Variants in GLB1L3 observed in about 807,000 individuals in gnomAD.
GLB1L3 encodes the protein beta-galactosidase-1-like protein 3.
GLB1L3 carries 89 observed loss-of-function variants against 89.5 expected under a neutral mutation model. The observed-to-expected ratio is 0.99, with a 90% CI of 0.84 to 1.19. The LOEUF (loss-of-function observed/expected upper bound fraction) is 1.19, where lower values mean the gene tolerates loss of function less well. GLB1L3 is among the 50% of genes most tolerant of loss of function. The pLI is 0.00. For synonymous variants in GLB1L3, 314 were observed against 312.3 expected (o/e 1.01, Z -0.06); for missense variants, 812 against 813.3 (o/e 1.00, Z 0.02).
chr11:134,276,851 C>A (rs889877368), intron 1 of GLB1L3, 88 bp downstream of exon 1: 4 of 1,175,986 alleles, frequency 3.4e-6, no homozygotes, highest in Non-Finnish European at 4.3e-6. Flanking sequence ...TGTGGCCGGC[C>A]ACGCGCCCCA....
chr11:134,279,097 A>G (rs1405372312), intron 3 of GLB1L3, among the ~76,000 whole-genome samples: 3 of 152,202 alleles, frequency 2.0e-5, no homozygotes, highest in Non-Finnish European at 4.4e-5. Context: ...TTTTGAATCA[A>G]TCTTATAATA....
Position 134,313,449 on chromosome 11 carries a change from A to C in GLB1L3, c.1554A>C (p.Ser518=), listed in dbSNP as rs372490502. The C allele has an allele frequency of 1.3e-6, 2 of 1,579,838 alleles. No individual in the cohort carries two copies. The highest frequency in any genetic ancestry group is 1.7e-6 in the Non-Finnish European group (2 of 1,162,216). ...AGAATCAAGGACGAGTCAATTTTTC[A>C]TGGCAAATACAGAATGAGCAGAAAG... ...LVENQGRVNF[S]WQIQNEQKGI... Residue 518 remains serine, a synonymous_variant, in exon 16 of 20, where the codon TCA becomes TCC. Transcript: ENST00000431683.
chr11:134,286,500 G>T (rs1192247971), intron 6 of GLB1L3, among the ~76,000 whole-genome samples: 1 of 113,802 alleles, frequency 8.8e-6, no homozygotes, highest in Admixed American at 1.0e-4. Flanking sequence ...TGGTGGCCGG[G>T]CGCGGTGGCT....
In GLB1L3 at chr11:134,318,708, G is replaced by A; in HGVS notation, c.1857G>A (p.Leu619=). The A allele has an allele frequency of 6.2e-7, 1 of 1,612,794 alleles. No individual in the cohort carries two copies. The part of the protein sequence containing the change: ...RYWNIGPQKT[L]YLPGVWLHPE... ...GGAATATTGGGCCTCAGAAAACACT[G>A]TACCTTCCTGGAGTTTGGCTTCATC... The change falls in exon 19 of 20, where the codon CTG becomes CTA. Residue 619 remains leucine (L), a synonymous_variant. Coordinates refer to ENST00000431683, the MANE Select transcript of GLB1L3 (RefSeq NM_001080407.3).
In GLB1L3 at chr11:134,292,208, A is replaced by T; in HGVS notation, c.806A>T (p.Lys269Ile). The change falls in exon 8 of 20, where the codon AAA (lysine) becomes ATA (isoleucine). Residue 269 changes from lysine to isoleucine, a missense_variant. Lys to Ile is a moderately radical substitution (Grantham distance 102). This residue lies in a region of GLB1L3 where 618 missense variants were observed against 604.0 expected (regional missense o/e 1.02). Coordinates refer to ENST00000431683, the MANE Select transcript of GLB1L3 (RefSeq NM_001080407.3). ...AAACATGTGCTGAGTGGCCACACCAAAGGAGGTACACATTTAGAGTTAGTT... is the reference window on the plus strand; with the variant it reads ...AAACATGTGCTGAGTGGCCACACCATAGGAGGTACACATTTAGAGTTAGTT... Reference protein sequence around the residue: ...GEKHVLSGHTKGVLAAINLQK... With the variant: ...GEKHVLSGHTIGVLAAINLQK... The T allele has an allele frequency of 6.2e-7, 1 of 1,610,854 alleles. No homozygotes were observed. Among genetic ancestry groups the T allele is most frequent in the Non-Finnish European group, 8.5e-7 (1 of 1,177,412 alleles).
intron 8 of GLB1L3, chr11:134,292,940 G>A: frequency 1.6e-6 from 1 of 622,094 alleles, no homozygotes; most frequent in South Asian, 1.9e-5. Context: ...AATTTCAACA[G>A]TGGGTGTCCT....
At chr11:134,286,734 G>A (rs548469818) in intron 6 of GLB1L3, among the ~76,000 whole-genome samples, 156 of 151,324 alleles carry the variant, frequency 1.0e-3, no homozygotes, top group African/African-American at 3.5e-3. Flanking sequence ...CCAAGATGGC[G>A]CCACCGCACT....
intron 18 of GLB1L3, among the ~76,000 whole-genome samples, chr11:134,315,464 AAGTG>A (rs1246625947): frequency 6.6e-6 from 1 of 152,188 alleles, no homozygotes; most frequent in Non-Finnish European, 1.5e-5. Flanking sequence ...CTTTTTGAAA[AAGTG>A]TGTGAGTGTG....
intron 5 of GLB1L3, 50 bp from the exon 6 acceptor site, chr11:134,283,687 T>C (rs1469463644): frequency 7.4e-6 from 8 of 1,086,242 alleles, no homozygotes; most frequent in Middle Eastern, 2.5e-4. Flanking sequence ...CACTCCTGCT[T>C]CCCTCTCCCA....
intron 9 of GLB1L3, among the ~76,000 whole-genome samples, chr11:134,294,647 C>T (rs770267375): frequency 6.6e-6 from 1 of 152,182 alleles, no homozygotes; most frequent in Non-Finnish European, 1.5e-5. Context: ...CAGTTAATCC[C>T]GTCTCCAGCC....
At chr11:134,292,545 CTCCACT>C (rs1941412284) in intron 8 of GLB1L3, 1 of 224,098 alleles carries the variant, frequency 4.5e-6, no homozygotes, top group African/African-American at 2.3e-5. Flanking sequence ...TCAGGGCCAT[CTCCACT>C]AACTTGGGAA....
intron 9 of GLB1L3, among the ~76,000 whole-genome samples, chr11:134,302,455 A>T (rs1296916944): frequency 1.3e-5 from 2 of 152,216 alleles, no homozygotes; most frequent in Non-Finnish European, 2.9e-5. Flanking sequence ...CAATTTTGTT[A>T]TTCACTTAAT....
At chr11:134,298,728 C>T (rs1941783626) in intron 9 of GLB1L3, among the ~76,000 whole-genome samples, 1 of 152,164 alleles carries the variant, frequency 6.6e-6, no homozygotes, top group Non-Finnish European at 1.5e-5. Flanking sequence ...TCTGAGGCCT[C>T]CCCAGCTATG....
chr11:134,278,323 T>TTTTTTTTGAGACGGAGTCTC, intron 3 of GLB1L3, among the ~76,000 whole-genome samples: 1 of 152,144 alleles, frequency 6.6e-6, no homozygotes, highest in African/African-American at 2.4e-5. Context: ...TTCTGTTTGT[T>TTTTTTTTGAGACGGAGTCTC]GCTCAGGCTG....
intron 5 of GLB1L3, among the ~76,000 whole-genome samples, chr11:134,282,480 C>T (rs1430365292): frequency 1.3e-5 from 2 of 152,166 alleles, no homozygotes; most frequent in Non-Finnish European, 2.9e-5. Flanking sequence ...CTCAAAATGC[C>T]CTGGGAAGAA....
At chr11:134,305,071 TTCTTA>T (rs564724345) in intron 9 of GLB1L3, 2 of 1,546,474 alleles carry the variant, frequency 1.3e-6, no homozygotes, top group South Asian at 2.4e-5. Context: ...CAGGGATGAA[TTCTTA>T]TCTTTACCCA....
At chr11:134,316,944 T>C (rs1391525089) in intron 18 of GLB1L3, 1 of 152,186 alleles carries the variant, frequency 6.6e-6, no homozygotes, top group Non-Finnish European at 1.5e-5. Context: ...TTTCTTCTCA[T>C]ATTAAGGCAA....
intron 6 of GLB1L3, among the ~76,000 whole-genome samples, chr11:134,284,553 T>C (rs1181442985): frequency 6.6e-6 from 1 of 151,836 alleles, no homozygotes; most frequent in Non-Finnish European, 1.5e-5. Flanking sequence ...CATGGGAAAC[T>C]CCATCTCTAC....
intron 18 of GLB1L3, among the ~76,000 whole-genome samples, chr11:134,315,610 G>A (rs543336614): frequency 6.6e-5 from 10 of 152,068 alleles, no homozygotes; most frequent in South Asian, 6.2e-4. Flanking sequence ...TAAAATATTC[G>A]TTTTTGATGT....
Sources: gnomAD v4.1 joint callset for allele counts (sites outside exome capture counted in the v4.1 genomes callset) on GRCh38, gnomAD v4.1.1 for gene constraint, gnomAD v4.1.1 regional missense constraint, MANE v1.5 for transcripts, NCBI Gene and HGNC (gene_info 2026-07-23, HGNC 2026-07-21) for gene names.